Variants in CYP11A1 observed in about 807,000 individuals in gnomAD.
CYP11A1 encodes cholesterol side-chain cleavage enzyme, mitochondrial.
CYP11A1 carries 25 observed loss-of-function variants against 51.9 expected under a neutral mutation model. The ratio of observed to expected loss-of-function variants is 0.48; its 90% CI spans 0.35 to 0.67. CYP11A1 has a LOEUF of 0.67. Ranked by LOEUF, CYP11A1 falls within the 30% of genes least tolerant of loss-of-function variation. The probability of loss-of-function intolerance (pLI) is 0.00; values close to 1 mark genes in which losing one functional copy is unlikely to be tolerated. For synonymous variants in CYP11A1, 245 were observed against 262.1 expected (o/e 0.93, Z 0.63); for missense variants, 578 against 680.9 (o/e 0.85, Z 1.68).
intron 3 of CYP11A1, 119 bp downstream of exon 3, chr15:74,344,925 C>T: frequency 1.0e-6 from 1 of 969,324 alleles, no homozygotes; most frequent in East Asian, 2.6e-5. Flanking sequence ...ATCAGCGGCT[C>T]ATCCCAGAAG....
intron 7 of CYP11A1, 86 bp downstream of exon 7, chr15:74,339,151 G>A: frequency 8.6e-7 from 1 of 1,157,526 alleles, no homozygotes; most frequent in Admixed American, 1.8e-5. Context: ...CCCCACCAGG[G>A]CCCCAGTGCC....
chr15:74,338,842 GT>G, intron 7 of CYP11A1, 74 bp from the exon 8 acceptor site: 1 of 1,378,168 alleles, frequency 7.3e-7, no homozygotes, highest in Admixed American at 1.9e-5. Context: ...CCCTTCCCTA[GT>G]CCCCTGCCCT....
chr15:74,338,867 C>A, intron 7 of CYP11A1, 99 bp from the exon 8 acceptor site: 1 of 1,100,488 alleles, frequency 9.1e-7, no homozygotes, highest in Non-Finnish European at 1.3e-6. Flanking sequence ...ACCACCACTC[C>A]CACTCCCCAG....
chr15:74,365,707 G>A (rs895849361), intron 1 of CYP11A1: 2 of 985,508 alleles, frequency 2.0e-6, no homozygotes, highest in Non-Finnish European at 2.4e-6. Context: ...CCGGCCGCGC[G>A]GACGTCACCT....
At chr15:74,366,420 A>G (rs919251634) in intron 1 of CYP11A1, among the ~76,000 whole-genome samples, 2 of 150,230 alleles carry the variant, frequency 1.3e-5, no homozygotes, top group African/African-American at 4.9e-5. Context: ...AGTAGCTGGG[A>G]TTATAGACCC....
At chr15:74,358,406 G>A (rs1279695374) in intron 1 of CYP11A1, among the ~76,000 whole-genome samples, 4 of 152,136 alleles carry the variant, frequency 2.6e-5, no homozygotes, top group East Asian at 1.9e-4. Flanking sequence ...CTATTCTGTC[G>A]TCATTTCATA....
chr15:74,351,419 T>C (rs2060656103), intron 1 of CYP11A1, among the ~76,000 whole-genome samples: 1 of 152,202 alleles, frequency 6.6e-6, no homozygotes, highest in Admixed American at 6.5e-5. Flanking sequence ...CTTACTTTCT[T>C]ATGCTAAATT....
intron 1 of CYP11A1, 67 bp from the exon 2 acceptor site, chr15:74,348,122 A>G: frequency 6.4e-7 from 1 of 1,568,486 alleles, no homozygotes; most frequent in Non-Finnish European, 8.7e-7. Context: ...GGCTCAGCAC[A>G]GCTGCCTCAC....
chr15:74,347,407 C>T (rs1002945779), intron 2 of CYP11A1, among the ~76,000 whole-genome samples: 7 of 151,854 alleles, frequency 4.6e-5, no homozygotes, highest in African/African-American at 1.7e-4. Flanking sequence ...GATCCCATCT[C>T]AAAATAAAAA....
chr15:74,344,109 C>T, intron 3 of CYP11A1, 117 bp from the exon 4 acceptor site: 1 of 788,384 alleles, frequency 1.3e-6, no homozygotes. Flanking sequence ...TTGCCCCTAC[C>T]CTCAGCCTCC....
intron 2 of CYP11A1, among the ~76,000 whole-genome samples, chr15:74,347,175 G>T (rs1567053753): frequency 6.6e-6 from 1 of 152,048 alleles, no homozygotes; most frequent in African/African-American, 2.4e-5. Context: ...TTGGAAGGCT[G>T]AAGCGGGAAG....
rs750091277 is a variant in CYP11A1 at position 74,339,759 on chromosome 15, G to A, written c.991-6C>T. ...CACTGCAGGGTCATGGACGTCTGGT[G>A]GGGAGTAGGGTATACAGAAGACCAG... is the stretch of plus-strand genomic sequence containing the variant. On this transcript the variant is annotated splice_polypyrimidine_tract_variant and splice_region_variant and intron_variant, in intron 5 of 8. Coordinates refer to ENST00000268053, the MANE Select transcript of CYP11A1 (RefSeq NM_000781.3). 5.6e-6 allele frequency: 9 copies of A among 1,613,896 alleles called. No individual in the cohort carries two copies. In the African/African-American group the frequency reaches 1.2e-4, roughly 22 times the overall value.
intron 8 of CYP11A1, 119 bp downstream of exon 8, chr15:74,338,452 T>A (rs1437316799): frequency 4.8e-6 from 5 of 1,044,084 alleles, no homozygotes; most frequent in Non-Finnish European, 7.4e-6. Context: ...TAACTGGAGG[T>A]AGATGCGCCC....
At chr15:74,354,179 C>T (rs138778284) in intron 1 of CYP11A1, among the ~76,000 whole-genome samples, 2,646 of 152,304 alleles carry the variant, frequency 0.017, 69 homozygotes, top group African/African-American at 0.061. Flanking sequence ...GCCGTCATAT[C>T]CCCTGTGACC....
rs555828318 is a variant in CYP11A1 at position 74,366,027 on chromosome 15, C to T, written c.269+1290G>A. The T allele has an allele frequency of 1.4e-5, 14 of 986,014 alleles. No individual in the cohort carries two copies. The African/African-American group carries it at 1.9e-4, about 14-fold the overall frequency. The allele number at this position is 986,014 out of a possible 1,614,324, so 61.1% of individuals were successfully genotyped here. A position where few individuals can be genotyped will look rare whatever the true frequency, so the allele number is the denominator to read the frequency against. On this transcript the variant is annotated intron_variant, in intron 1 of 8. Coordinates refer to ENST00000268053, the MANE Select transcript of CYP11A1 (RefSeq NM_000781.3). ...GCGGGGCCGAGCGCCTGGACCTCGC[C>T]CTGAGGTAAACGCGGGTCGACCCGG...
chr15:74,354,623 C>A (rs2060670336), intron 1 of CYP11A1: 2 of 159,392 alleles, frequency 1.3e-5, no homozygotes, highest in Non-Finnish European at 2.7e-5. Flanking sequence ...GAGAAAGATC[C>A]ACCTATGACC....
In CYP11A1 at chr15:74,343,847, C is replaced by G; in HGVS notation, c.771G>C (p.Leu257=). 6.2e-7 allele frequency: 1 copy of G among 1,613,768 alleles called. No homozygotes were observed. Among genetic ancestry groups the G allele is most frequent in the Admixed American group, 1.7e-5 (1 of 60,030 alleles). ...MLNLPPDLFR[L]FRTKTWKDHV... is the part of the protein sequence containing the mutation. ...GGTCCTTCCAGGTCTTGGTCCTGAA[C>G]AGACGGAACAGGTCTGGGGGAAGGT... The change falls in exon 4 of 9, where the codon CTG becomes CTC. Residue 257 remains leucine, a synonymous_variant. Coordinates refer to ENST00000268053, the MANE Select transcript of CYP11A1 (RefSeq NM_000781.3).
At chr15:74,352,339 G>A (rs112082619) in intron 1 of CYP11A1, among the ~76,000 whole-genome samples, 4,279 of 142,194 alleles carry the variant, frequency 0.03, 88 homozygotes, top group Middle Eastern at 0.13. Context: ...GTGTGATCTC[G>A]GCTCACTGCA....
At chr15:74,338,408 G>A (rs1567050675) in intron 8 of CYP11A1, 163 bp downstream of exon 8, 4 of 792,528 alleles carry the variant, frequency 5.0e-6, no homozygotes, top group Non-Finnish European at 4.3e-6. Context: ...GAAAGAGGGG[G>A]CAGCAGAGAA....
Sources: gnomAD v4.1 joint callset for allele counts (sites outside exome capture counted in the v4.1 genomes callset) on GRCh38, gnomAD v4.1.1 for gene constraint, MANE v1.5 for transcripts, NCBI Gene and HGNC (gene_info 2026-07-23, HGNC 2026-07-21) for gene names.